Variants in C12orf42 observed in about 807,000 individuals in gnomAD.
The protein encoded by C12orf42 is uncharacterized protein C12orf42.
In C12orf42, 25 loss-of-function variants were observed where a neutral mutation model predicts 21.6. That is an observed-to-expected ratio of 1.16 (90% CI 0.84 to 1.62). The LOEUF is 1.62. Among genes scored for constraint, C12orf42 ranks in the 40% most tolerant of loss-of-function variants. The pLI, the probability that C12orf42 is intolerant of heterozygous loss-of-function variation, is 0.00. For missense variants in C12orf42, 483 were observed against 459.3 expected (o/e 1.05, Z -0.47); for synonymous variants, 174 against 175.0 (o/e 0.99, Z 0.05).
At chr12:103,278,165 C>T (rs1019235898) in intron 4 of C12orf42, among the ~76,000 whole-genome samples, 3 of 152,006 alleles carry the variant, frequency 2.0e-5, no homozygotes, top group Non-Finnish European at 4.4e-5. Context: ...AAAAAGGGTA[C>T]TCAAATAACA....
intron 1 of C12orf42, 24 bp from the exon 2 acceptor site, chr12:103,478,471 A>G: frequency 8.1e-7 from 1 of 1,233,778 alleles, no homozygotes; most frequent in Non-Finnish European, 1.1e-6. Context: ...ATGGAGAAAG[A>G]AGAGCAGGTT....
At chr12:103,376,299 CA>C (rs1403497166) in intron 3 of C12orf42, among the ~76,000 whole-genome samples, 1 of 151,822 alleles carries the variant, frequency 6.6e-6, no homozygotes, top group Non-Finnish European at 1.5e-5. Context: ...CAAACTAAAA[CA>C]GGAAAAGAAA....
intron 5 of C12orf42, among the ~76,000 whole-genome samples, chr12:103,275,793 A>T (rs1007094900): frequency 3.4e-4 from 50 of 146,914 alleles, no homozygotes; most frequent in Middle Eastern, 3.4e-3. Context: ...CTTTTTTTTT[A>T]AAATCCATTT....
chr12:103,507,472 C>G, the C12orf42 span, among the ~76,000 whole-genome samples: 5 of 142,770 alleles, frequency 3.5e-5, no homozygotes, highest in Non-Finnish European at 7.5e-5. Context: ...GATTTCAAGA[C>G]CAGCCCGGGT....
the C12orf42 span, among the ~76,000 whole-genome samples, chr12:103,064,556 A>C: frequency 6.6e-6 from 1 of 152,276 alleles, no homozygotes; most frequent in Non-Finnish European, 1.5e-5. Flanking sequence ...TTATAAAAAC[A>C]GAAAATCATG....
the C12orf42 span, among the ~76,000 whole-genome samples, chr12:103,104,102 A>G: frequency 6.6e-6 from 1 of 152,208 alleles, no homozygotes; most frequent in African/African-American, 2.4e-5. Context: ...AAGCAGAAAA[A>G]AAGGCATATC....
At chr12:103,305,842 C>A (rs1593353947) in intron 5 of C12orf42, 132 bp downstream of exon 5, 40 of 1,142,058 alleles carry the variant, frequency 3.5e-5, no homozygotes, top group East Asian at 2.4e-5. Context: ...AGACTGGCTA[C>A]TACAGTTCTT....
At chr12:103,529,369 G>A in the C12orf42 span, among the ~76,000 whole-genome samples, 1 of 152,238 alleles carries the variant, frequency 6.6e-6, no homozygotes, top group Non-Finnish European at 1.5e-5. Context: ...TGAAATGTTA[G>A]ACTTTGTCCA....
At chr12:103,480,640 T>G (rs2138053550) in intron 1 of C12orf42, among the ~76,000 whole-genome samples, 1 of 151,850 alleles carries the variant, frequency 6.6e-6, no homozygotes, top group Non-Finnish European at 1.5e-5. Context: ...CTCTCATTTC[T>G]AATGCTTTTG....
At chr12:103,160,396 C>G in the C12orf42 span, among the ~76,000 whole-genome samples, 1 of 152,202 alleles carries the variant, frequency 6.6e-6, no homozygotes. Flanking sequence ...ACCCTGTTCT[C>G]TAATACCCTG....
downstream of C12orf42, among the ~76,000 whole-genome samples, chr12:103,234,951 G>A (rs534321158): frequency 4.7e-4 from 71 of 152,124 alleles, no homozygotes; most frequent in African/African-American, 1.5e-3. Context: ...CAACATTACC[G>A]AGGAAGAATT....
the C12orf42 span, among the ~76,000 whole-genome samples, chr12:103,177,477 C>T: frequency 6.6e-6 from 1 of 152,158 alleles, no homozygotes; most frequent in Non-Finnish European, 1.5e-5. Context: ...GTAAGGGACC[C>T]CAAGGAACTA....
At chr12:103,456,808 C>T (rs895799217) in intron 2 of C12orf42, among the ~76,000 whole-genome samples, 1 of 152,078 alleles carries the variant, frequency 6.6e-6, no homozygotes, top group Non-Finnish European at 1.5e-5. Context: ...TTTGGAAATT[C>T]CCCACCAATT....
At chr12:103,437,707 AG>A (rs1286529180) in intron 2 of C12orf42, among the ~76,000 whole-genome samples, 1 of 150,552 alleles carries the variant, frequency 6.6e-6, no homozygotes, top group Non-Finnish European at 1.5e-5. Context: ...TAAACCAGGA[AG>A]AAGTTGAATC....
At position 103,318,701 on chromosome 12, in the gene C12orf42, G is replaced by A. The variant is rs561494321; in HGVS notation, c.260-12356C>T. ...CAGTCCCTTTCCTTTCTCCTGCCCC[G>A]TGTATTCTAACCAGCTGGTGAATAG... is the stretch of plus-strand genomic sequence containing the variant. On this transcript the variant is annotated intron_variant, in intron 4 of 5. Transcript: ENST00000548883. Among the ~76,000 whole-genome samples the A allele has an allele frequency of 1.2e-4, 18 of 152,110 alleles. No homozygotes were observed. In the East Asian group the frequency reaches 2.1e-3, roughly 18 times the overall value.
At chr12:103,286,644 T>C (rs368652039) in intron 4 of C12orf42, among the ~76,000 whole-genome samples, 1 of 151,862 alleles carries the variant, frequency 6.6e-6, no homozygotes, top group East Asian at 1.9e-4. Context: ...GAAAAATGTG[T>C]GTGGTGCTTT....
At chr12:103,202,942 G>A in the C12orf42 span, among the ~76,000 whole-genome samples, 1 of 152,170 alleles carries the variant, frequency 6.6e-6, no homozygotes, top group Non-Finnish European at 1.5e-5. Context: ...CCTAGCACCT[G>A]GTTATGGTGT....
At chr12:103,433,965 G>T (rs1565818455) in intron 2 of C12orf42, among the ~76,000 whole-genome samples, 1 of 152,218 alleles carries the variant, frequency 6.6e-6, no homozygotes, top group Non-Finnish European at 1.5e-5. Flanking sequence ...ATGGCATGAT[G>T]TTCGAGAATT....
chr12:103,305,619 T>C (rs2038212276), intron 5 of C12orf42, among the ~76,000 whole-genome samples: 1 of 152,234 alleles, frequency 6.6e-6, no homozygotes, highest in Non-Finnish European at 1.5e-5. Flanking sequence ...TGGTATGATC[T>C]GCCTGAATAT....
Sources: gnomAD v4.1 joint callset for allele counts (sites outside exome capture counted in the v4.1 genomes callset) on GRCh38, gnomAD v4.1.1 for gene constraint, MANE v1.5 for transcripts, NCBI Gene and HGNC (gene_info 2026-07-23, HGNC 2026-07-21) for gene names.